ASIC5: variants seen among roughly 807,000 people sequenced by gnomAD.
ASIC5 encodes acid sensing ion channel subunit family member 5.
In ASIC5, 52 loss-of-function variants were observed where a neutral mutation model predicts 51.2. The observed-to-expected ratio is 1.02, with a 90% CI of 0.81 to 1.28. ASIC5 has a LOEUF of 1.28. ASIC5 is among the 50% of genes most tolerant of loss of function. The probability of loss-of-function intolerance (pLI) is 0.00; values close to 1 mark genes in which losing one functional copy is unlikely to be tolerated. For synonymous variants in ASIC5, 231 were observed against 200.7 expected (o/e 1.15, Z -1.28); for missense variants, 635 against 595.0 (o/e 1.07, Z -0.70).
At chr4:155,846,419 A>C (rs1180425389) in intron 4 of ASIC5, among the ~76,000 whole-genome samples, 3 of 152,230 alleles carry the variant, frequency 2.0e-5, no homozygotes, top group African/African-American at 7.2e-5. Flanking sequence ...CTGCATCTTA[A>C]ATTTTCAAAA....
At chr4:155,850,609 G>A (rs1741359163) in intron 4 of ASIC5, among the ~76,000 whole-genome samples, 1 of 151,998 alleles carries the variant, frequency 6.6e-6, no homozygotes, top group Non-Finnish European at 1.5e-5. Flanking sequence ...GTGCAGGTAA[G>A]TATTTACAAT....
At chr4:155,852,471 G>GTTT (rs35738215) in intron 3 of ASIC5, among the ~76,000 whole-genome samples, 155 bp from the exon 4 acceptor site, 5 of 147,680 alleles carry the variant, frequency 3.4e-5, no homozygotes, top group Admixed American at 6.8e-5. Flanking sequence ...TTCAGTGATA[G>GTTT]TTTTTTTTTT....
intron 2 of ASIC5, among the ~76,000 whole-genome samples, chr4:155,860,553 G>T (rs979281744): frequency 1.3e-5 from 2 of 151,716 alleles, no homozygotes; most frequent in Non-Finnish European, 3.0e-5. Context: ...TATACTTTGG[G>T]AGCTGGAGAT....
chr4:155,838,854 C>T lies in ASIC5; in HGVS notation c.1025G>A (p.Cys342Tyr). The change falls in exon 7 of 10, where the codon TGT becomes TAT. Residue 342 changes from cysteine to tyrosine, a missense_variant. Physicochemically the swap from Cys to Tyr is radical, Grantham distance 194. Coordinates refer to ENST00000537611, the MANE Select transcript of ASIC5 (RefSeq NM_017419.3). The stretch of plus-strand genomic sequence containing the variant: ...ACAGCTGAAGTACTTTTGTAGGTCA[C>T]ATTCTATCCCATATCCTTAAAAATA... ...PFLLPGYGIECDLQKYFSCVS... is the reference protein window; with the variant it reads ...PFLLPGYGIEYDLQKYFSCVS... 6.4e-7 allele frequency: 1 copy of T among 1,570,098 alleles called. No homozygotes were observed. The highest frequency in any genetic ancestry group is 8.8e-7 in the Non-Finnish European group (1 of 1,142,536).
At chr4:155,864,336 T>C (rs963085126) in intron 1 of ASIC5, among the ~76,000 whole-genome samples, 9 of 152,182 alleles carry the variant, frequency 5.9e-5, no homozygotes, top group African/African-American at 2.2e-4. Context: ...AAGTAATCTA[T>C]TTTCTACCTC....
intron 2 of ASIC5, among the ~76,000 whole-genome samples, chr4:155,858,508 T>A (rs1741605317): frequency 6.6e-6 from 1 of 152,076 alleles, no homozygotes; most frequent in Non-Finnish European, 1.5e-5. Flanking sequence ...TGTGTAAAAC[T>A]AAAGAAAATG....
chr4:155,844,630 T>TG lies in ASIC5; in HGVS notation c.712-801_712-800insC, dbSNP rs1741198908. Among the ~76,000 whole-genome samples the TG allele has an allele frequency of 4.7e-5, 7 of 150,408 alleles. No individual in the cohort carries two copies. In the South Asian group the frequency reaches 1.3e-3, roughly 27 times the overall value. On this transcript the variant is annotated intron_variant, in intron 4 of 9. Transcript: ENST00000537611. ...TCTTGTGGGGTTGTGTGTGTGTGTG[T>TG]TTTGGTTCTTTCTCTCATTGGATTT...
chr4:155,840,708 T>A (rs555765888), intron 6 of ASIC5, among the ~76,000 whole-genome samples: 1 of 152,072 alleles, frequency 6.6e-6, no homozygotes, highest in South Asian at 2.1e-4. Flanking sequence ...GGGGACTAGA[T>A]TGCCTATATA....
At chr4:155,845,107 A>G (rs1579289335) in intron 4 of ASIC5, among the ~76,000 whole-genome samples, 1 of 152,152 alleles carries the variant, frequency 6.6e-6, no homozygotes, top group East Asian at 1.9e-4. Flanking sequence ...AAAAAAAAGG[A>G]AAGATTTTTT....
chr4:155,857,240 C>G (rs1741566171), intron 2 of ASIC5, among the ~76,000 whole-genome samples: 1 of 152,064 alleles, frequency 6.6e-6, no homozygotes, highest in African/African-American at 2.4e-5. Flanking sequence ...CCTCCCACTT[C>G]AGCCCCCCAC....
chr4:155,848,845 T>C (rs997698068), intron 4 of ASIC5, among the ~76,000 whole-genome samples: 31 of 152,050 alleles, frequency 2.0e-4, no homozygotes, highest in Admixed American at 3.3e-4. Context: ...CTTTTTTACT[T>C]TTTACTTAAA....
intron 1 of ASIC5, among the ~76,000 whole-genome samples, 164 bp from the exon 2 acceptor site, chr4:155,863,918 A>G (rs1741790891): frequency 6.6e-6 from 1 of 152,208 alleles, no homozygotes; most frequent in Non-Finnish European, 1.5e-5. Context: ...TTATTCAGGA[A>G]TCAAGAAGTG....
chr4:155,857,576 A>G (rs1206811082), intron 2 of ASIC5, among the ~76,000 whole-genome samples: 1 of 152,118 alleles, frequency 6.6e-6, no homozygotes, highest in East Asian at 1.9e-4. Context: ...TGTTTAAACA[A>G]TTTAACATCT....
At chr4:155,844,842 T>G (rs758470399) in intron 4 of ASIC5, among the ~76,000 whole-genome samples, 29 of 152,114 alleles carry the variant, frequency 1.9e-4, no homozygotes, top group Middle Eastern at 3.4e-3. Context: ...AGAATATACT[T>G]AGGGTCTAAT....
intron 2 of ASIC5, among the ~76,000 whole-genome samples, chr4:155,858,656 C>T (rs943753423): frequency 6.6e-5 from 10 of 151,956 alleles, no homozygotes; most frequent in Non-Finnish European, 1.0e-4. Context: ...ATATTTAAAG[C>T]GGAAAGCGTG....
chr4:155,863,861 T>C, intron 1 of ASIC5, 107 bp from the exon 2 acceptor site: 1 of 856,912 alleles, frequency 1.2e-6, no homozygotes, highest in South Asian at 1.9e-5. Flanking sequence ...GTGACTCTTT[T>C]TACTTGTAAT....
At chr4:155,861,774 A>T (rs529966396) in intron 2 of ASIC5, among the ~76,000 whole-genome samples, 1 of 152,010 alleles carries the variant, frequency 6.6e-6, no homozygotes, top group Admixed American at 6.6e-5. Flanking sequence ...GCAAAACCTT[A>T]TCAATTTCTG....
At chr4:155,836,995 AC>A (rs1303371736) in intron 7 of ASIC5, 138 bp from the exon 8 acceptor site, 2 of 508,588 alleles carry the variant, frequency 3.9e-6, no homozygotes, top group East Asian at 6.8e-5. Flanking sequence ...TTACTCTGAA[AC>A]AAATATGTTA....
At chr4:155,852,713 T>C (rs1741413000) in intron 3 of ASIC5, among the ~76,000 whole-genome samples, 1 of 151,844 alleles carries the variant, frequency 6.6e-6, no homozygotes, top group African/African-American at 2.4e-5. Context: ...ATGACCCTTT[T>C]ACTCTCCTTT....
Sources: gnomAD v4.1 joint callset for allele counts (sites outside exome capture counted in the v4.1 genomes callset) on GRCh38, gnomAD v4.1.1 for gene constraint, MANE v1.5 for transcripts, NCBI Gene and HGNC (gene_info 2026-07-23, HGNC 2026-07-21) for gene names.